UBA2: variants seen among roughly 807,000 people sequenced by gnomAD.
UBA2 encodes the protein ubiquitin like modifier activating enzyme 2, also known as SUMO-activating enzyme subunit 2.
A neutral mutation model predicts 77.2 loss-of-function variants in UBA2; 11 were observed. That is an observed-to-expected ratio of 0.14 (90% CI 0.09 to 0.24). The LOEUF (loss-of-function observed/expected upper bound fraction) is 0.24. Ranked by LOEUF, UBA2 falls within the 10% of genes least tolerant of loss-of-function variation. The pLI is 1.00. For synonymous variants in UBA2, 278 were observed against 276.7 expected (o/e 1.00, Z -0.05); for missense variants, 487 against 781.7 (o/e 0.62, Z 4.50).
intron 9 of UBA2, 54 bp downstream of exon 9, chr19:34,450,418 A>C: frequency 7.8e-7 from 1 of 1,282,476 alleles, no homozygotes; most frequent in South Asian, 1.3e-5. Flanking sequence ...TCCTCGCGTA[A>C]AGTCTTTGTA....
intron 15 of UBA2, among the ~76,000 whole-genome samples, chr19:34,464,341 T>G (rs1453121944): frequency 6.6e-6 from 1 of 152,130 alleles, no homozygotes; most frequent in Admixed American, 6.6e-5. Context: ...GCGGATCACC[T>G]GAGGTCAGGA....
chr19:34,440,353 C>T (rs1398538897), intron 6 of UBA2, among the ~76,000 whole-genome samples: 1 of 151,434 alleles, frequency 6.6e-6, no homozygotes, highest in East Asian at 1.9e-4. Flanking sequence ...CTGAATTTAG[C>T]AGTATACCTT....
At chr19:34,454,868 T>G (rs1289688257) in intron 12 of UBA2, among the ~76,000 whole-genome samples, 1 of 152,256 alleles carries the variant, frequency 6.6e-6, no homozygotes, top group Non-Finnish European at 1.5e-5. Context: ...TATATGGGTT[T>G]TAAAATTTGC....
chr19:34,428,641 T>C (rs1420996758), intron 1 of UBA2, 71 bp downstream of exon 1: 7 of 712,110 alleles, frequency 9.8e-6, no homozygotes, highest in Admixed American at 5.1e-5. Context: ...GTTCCGGGGC[T>C]CCAGGGGCTC....
chr19:34,463,693 C>T (rs1178324518), intron 14 of UBA2, among the ~76,000 whole-genome samples: 1 of 152,142 alleles, frequency 6.6e-6, no homozygotes, highest in African/African-American at 2.4e-5. Flanking sequence ...TGTGTAACTC[C>T]TGGGCTTCAG....
At chr19:34,467,193 T>TGTAATTTAAGGCTGG (rs1410897238) in intron 16 of UBA2, 179 bp downstream of exon 16, 2 of 736,506 alleles carry the variant, frequency 2.7e-6, no homozygotes, top group Admixed American at 3.1e-5. Flanking sequence ...TAAGGCTGGG[T>TGTAATTTAAGGCTGG]GTGGTGGCTT....
intron 15 of UBA2, among the ~76,000 whole-genome samples, chr19:34,464,796 A>T (rs995423672): frequency 2.0e-5 from 3 of 152,190 alleles, no homozygotes; most frequent in African/African-American, 7.2e-5. Flanking sequence ...TTTTGTGGCA[A>T]TAACAAAAGA....
intron 9 of UBA2, among the ~76,000 whole-genome samples, 197 bp downstream of exon 9, chr19:34,450,561 G>C (rs2075481704): frequency 6.6e-6 from 1 of 151,876 alleles, no homozygotes; most frequent in Non-Finnish European, 1.5e-5. Flanking sequence ...GTGTTCTGGT[G>C]GTCCGCCCTA....
At chr19:34,437,136 A>G (rs141304557) in intron 5 of UBA2, among the ~76,000 whole-genome samples, 134 of 151,994 alleles carry the variant, frequency 8.8e-4, no homozygotes, top group Non-Finnish European at 1.5e-3. Flanking sequence ...TAATTTTTGC[A>G]TTTTTGGTAG....
Position 34,428,391 on chromosome 19 carries a change from T to C in UBA2, c.-42T>C. 1 of 1,233,314 alleles carries C rather than the reference T, an allele frequency of 8.1e-7. No individual in the cohort carries two copies. The highest frequency in any genetic ancestry group is 1.0e-6 in the Non-Finnish European group (1 of 987,550). The allele number at this position is 1,233,314 out of a possible 1,614,324, so 76.4% of individuals were successfully genotyped here. On this transcript the variant is annotated 5_prime_UTR_variant, in exon 1 of 17. Coordinates refer to ENST00000246548, the MANE Select transcript of UBA2 (RefSeq NM_005499.3). ...CACCCGCTTCCGGCCGCGGCTCGGT[T>C]CTCCCGCCTCCGCCTCCGCCGCGGC... is the stretch of plus-strand genomic sequence containing the variant.
chr19:34,433,213 C>T (rs2075274439), intron 3 of UBA2, 135 bp from the exon 4 acceptor site: 2 of 602,398 alleles, frequency 3.3e-6, no homozygotes, highest in East Asian at 5.6e-5. Flanking sequence ...TCAAACCTTA[C>T]TATCTATATG....
chr19:34,450,040 C>T (rs1301877864), intron 8 of UBA2, among the ~76,000 whole-genome samples: 1 of 152,214 alleles, frequency 6.6e-6, no homozygotes, highest in African/African-American at 2.4e-5. Context: ...CTCCTTTACT[C>T]TGCATTCCTC....
In UBA2 at chr19:34,466,893, G is replaced by A. The variant is rs753350288; in HGVS notation, c.1620G>A (p.Lys540=). The A allele has an allele frequency of 6.2e-7, 1 of 1,613,156 alleles. No homozygotes were observed. Among genetic ancestry groups the A allele is most frequent in the Non-Finnish European group, 8.5e-7 (1 of 1,180,008 alleles). Residue 540 remains lysine, a synonymous_variant, in exon 16 of 17, where the codon AAG becomes AAA. Transcript: ENST00000246548. Reference sequence around the variant, plus strand: ...TCTCCTACAGTGAAGACCTAGGAAAGGACGTTGAATTTGAAGTTGTTGGTG... The same window carrying A: ...TCTCCTACAGTGAAGACCTAGGAAAAGACGTTGAATTTGAAGTTGTTGGTG... ...INILHSEDLG[K]DVEFEVVGDA...
chr19:34,443,930 A>G lies in UBA2; in HGVS notation c.649+19A>G, dbSNP rs774358685. 1.3e-6 allele frequency: 2 copies of G among 1,558,336 alleles called. No individual in the cohort carries two copies. Among genetic ancestry groups the G allele is most frequent in the South Asian group, 1.1e-5 (1 of 89,792 alleles). Reference sequence around the variant, plus strand: ...GCTGCCTGTGAGTAAATTATTTGGCATATGTTTTATCAGATACTATTATCT... The same window carrying G: ...GCTGCCTGTGAGTAAATTATTTGGCGTATGTTTTATCAGATACTATTATCT... On this transcript the variant is annotated intron_variant, in intron 7 of 16. Transcript: ENST00000246548.
chr19:34,435,252 G>A (rs1430488328), intron 5 of UBA2, among the ~76,000 whole-genome samples: 5 of 152,100 alleles, frequency 3.3e-5, no homozygotes, highest in Non-Finnish European at 5.9e-5. Flanking sequence ...ACAAAAATTA[G>A]CTGGACATGG....
chr19:34,468,335 TAGAA>T (rs1281996331), intron 16 of UBA2, among the ~76,000 whole-genome samples: 1 of 152,172 alleles, frequency 6.6e-6, no homozygotes, highest in Non-Finnish European at 1.5e-5. Flanking sequence ...TCACTGAAAT[TAGAA>T]AGGTCCGTCA....
At chr19:34,458,277 C>T (rs932346017) in intron 12 of UBA2, among the ~76,000 whole-genome samples, 6 of 152,158 alleles carry the variant, frequency 3.9e-5, no homozygotes, top group African/African-American at 7.2e-5. Flanking sequence ...AGGTTGAGGC[C>T]GGGCGCGGTG....
chr19:34,452,794 T>G (rs1302184791), intron 10 of UBA2, among the ~76,000 whole-genome samples: 1 of 152,202 alleles, frequency 6.6e-6, no homozygotes, highest in African/African-American at 2.4e-5. Context: ...AAAGGCCAAT[T>G]TTAGAAACCT....
chr19:34,452,690 T>G (rs1320322382), intron 10 of UBA2, among the ~76,000 whole-genome samples: 2 of 152,238 alleles, frequency 1.3e-5, no homozygotes, highest in Non-Finnish European at 2.9e-5. Context: ...TTAATTTTAA[T>G]TGTAATCAGT....
Sources: allele counts gnomAD v4.1 joint callset (sites outside exome capture counted in the v4.1 genomes callset), GRCh38; gene constraint gnomAD v4.1.1; transcripts MANE v1.5; gene names NCBI Gene and HGNC (gene_info 2026-07-23, HGNC 2026-07-21).